Variants in SULF1 observed in about 807,000 individuals in gnomAD.
SULF1 encodes the protein sulfatase 1.
A neutral mutation model predicts 110.5 loss-of-function variants in SULF1; 46 were observed. That is an observed-to-expected ratio of 0.42 (90% CI 0.33 to 0.53). The LOEUF is 0.53. Among genes scored for constraint, SULF1 ranks in the 20% least tolerant of loss-of-function variants. The pLI, the probability that SULF1 is intolerant of heterozygous loss-of-function variation, is 0.12. For synonymous variants in SULF1, 371 were observed against 387.1 expected (o/e 0.96, Z 0.49); for missense variants, 941 against 1,094.2 (o/e 0.86, Z 1.98).
chr8:69,555,460 C>G (rs138239172), intron 3 of SULF1, among the ~76,000 whole-genome samples: 1,766 of 152,274 alleles, frequency 0.012, 30 homozygotes, highest in African/African-American at 0.04. Flanking sequence ...GAGTTCGAGA[C>G]CAGCCTGCCA....
intron 3 of SULF1, among the ~76,000 whole-genome samples, chr8:69,506,273 C>T (rs186671191): frequency 2.6e-5 from 4 of 152,132 alleles, no homozygotes; most frequent in Admixed American, 2.0e-4. Context: ...CAATACCTCC[C>T]TTCACGTAGC....
intron 1 of SULF1, among the ~76,000 whole-genome samples, chr8:69,470,591 T>C (rs1018617821): frequency 1.1e-4 from 17 of 152,134 alleles, no homozygotes; most frequent in African/African-American, 4.1e-4. Flanking sequence ...GCAATGATCA[T>C]CTCACATGTG....
At chr8:69,655,798 T>C (rs1812682044) in intron 22 of SULF1, among the ~76,000 whole-genome samples, 1 of 152,252 alleles carries the variant, frequency 6.6e-6, no homozygotes, top group East Asian at 1.9e-4. Context: ...TGAATCATAC[T>C]GAATGAGATT....
chr8:69,617,506 C>T (rs1264857824), intron 13 of SULF1, among the ~76,000 whole-genome samples: 1 of 146,048 alleles, frequency 6.8e-6, no homozygotes, highest in Middle Eastern at 3.6e-3. Flanking sequence ...TGGGCTCAAG[C>T]AATCCACCTG....
chr8:69,578,326 T>TGAC (rs10631532), intron 6 of SULF1, among the ~76,000 whole-genome samples: 2,437 of 140,450 alleles, frequency 0.017, 59 homozygotes, highest in African/African-American at 0.074. Context: ...CAGATCTGAC[T>TGAC]GTTTTTTATT....
chr8:69,654,322 T>TACTAGTCTAGTGATAATACTAG (rs1310622008), intron 22 of SULF1, among the ~76,000 whole-genome samples: 97 of 152,226 alleles, frequency 6.4e-4, no homozygotes, highest in Non-Finnish European at 1.8e-4. Flanking sequence ...CAGGCAGCAA[T>TACTAGTCTAGTGATAATACTAG]ACTAGTCTAG....
chr8:69,527,498 TC>T (rs1211246876), intron 3 of SULF1, among the ~76,000 whole-genome samples: 3 of 152,012 alleles, frequency 2.0e-5, no homozygotes, highest in African/African-American at 7.2e-5. Flanking sequence ...TTCCAGATGC[TC>T]AAAGACAGAG....
At chr8:69,614,547 T>A (rs1425067931) in intron 13 of SULF1, among the ~76,000 whole-genome samples, 2 of 152,280 alleles carry the variant, frequency 1.3e-5, no homozygotes, top group East Asian at 3.8e-4. Flanking sequence ...GACATATTTC[T>A]CATTAGATTT....
At chr8:69,547,409 T>A (rs1469642403) in intron 3 of SULF1, among the ~76,000 whole-genome samples, 1 of 152,224 alleles carries the variant, frequency 6.6e-6, no homozygotes, top group Non-Finnish European at 1.5e-5. Flanking sequence ...AGTTCAATTA[T>A]TATCAATGTA....
intron 10 of SULF1, 74 bp downstream of exon 10, chr8:69,601,903 C>T: frequency 2.1e-6 from 3 of 1,426,104 alleles, no homozygotes; most frequent in Non-Finnish European, 2.8e-6. Flanking sequence ...TTACCAGTCT[C>T]AGTATCTGGT....
chr8:69,515,081 A>G (rs1811830767), intron 3 of SULF1, among the ~76,000 whole-genome samples: 1 of 152,124 alleles, frequency 6.6e-6, no homozygotes, highest in Non-Finnish European at 1.5e-5. Context: ...CCATCTTCTC[A>G]CAGCTCCACT....
chr8:69,468,124 C>G (rs1165208623), intron 1 of SULF1, among the ~76,000 whole-genome samples: 1 of 152,212 alleles, frequency 6.6e-6, no homozygotes, highest in Admixed American at 6.5e-5. Context: ...CCTCCGATAG[C>G]AACATTCATA....
intron 21 of SULF1, among the ~76,000 whole-genome samples, chr8:69,640,305 G>T (rs2130682933): frequency 6.6e-6 from 1 of 152,272 alleles, no homozygotes; most frequent in Non-Finnish European, 1.5e-5. Flanking sequence ...GACTTTTATT[G>T]GTGGTGACAT....
chr8:69,525,466 T>C (rs1239213278), intron 3 of SULF1, among the ~76,000 whole-genome samples: 1 of 152,178 alleles, frequency 6.6e-6, no homozygotes, highest in Non-Finnish European at 1.5e-5. Flanking sequence ...TGGCTCATTT[T>C]ACAAATCAGT....
chr8:69,521,871 G>A (rs1586293682), intron 3 of SULF1, among the ~76,000 whole-genome samples: 1 of 151,696 alleles, frequency 6.6e-6, no homozygotes, highest in East Asian at 1.9e-4. Context: ...ACAGTAAGAG[G>A]CCATTGAAAA....
Position 69,586,468 on chromosome 8 carries a change from G to T in SULF1, c.524G>T (p.Arg175Leu). Residue 175 changes from arginine (R) to leucine (L), a missense_variant, in exon 7 of 23, where the codon CGC becomes CTC. Transcript: ENST00000402687. ...CGCTTCTATAATTACACTGTTTGTC[G>T]CAATGGCATCAAAGAAAAGCATGGA... is the stretch of plus-strand genomic sequence containing the variant. ...NSRFYNYTVC[R>L]NGIKEKHGFD... 1.9e-6 allele frequency: 3 copies of T among 1,610,900 alleles called. No homozygotes were observed. The highest frequency in any genetic ancestry group is 1.3e-5 in the African/African-American group (1 of 74,890).
chr8:69,510,297 T>C (rs1273155696), intron 3 of SULF1, among the ~76,000 whole-genome samples: 1 of 152,166 alleles, frequency 6.6e-6, no homozygotes, highest in Non-Finnish European at 1.5e-5. Flanking sequence ...GAGAGAAGTA[T>C]GGTTTAATGG....
Position 69,659,638 on chromosome 8 carries a change from A to G in SULF1, c.*1103A>G, listed in dbSNP as rs147649872. On this transcript the variant is annotated 3_prime_UTR_variant, in exon 23 of 23. Transcript: ENST00000402687. ...GACATAAGTATATACATGTTATCCAATCAAGATGGCTAGAATGGTGCCTTT... is the reference window on the plus strand; with the variant it reads ...GACATAAGTATATACATGTTATCCAGTCAAGATGGCTAGAATGGTGCCTTT... 427 of 163,696 alleles carry G rather than the reference A, an allele frequency of 2.6e-3. 2 individuals are homozygous for G. The highest frequency in any genetic ancestry group is 9.7e-3 in the African/African-American group (404 of 41,676). The allele number at this position is 163,696 out of a possible 1,614,324, so 10.1% of individuals were successfully genotyped here.
chr8:69,540,193 G>A (rs1001101289), intron 3 of SULF1, among the ~76,000 whole-genome samples: 3 of 152,164 alleles, frequency 2.0e-5, no homozygotes, highest in African/African-American at 7.2e-5. Context: ...ATGGCCACCA[G>A]ATTCATCTCT....
Sources: allele counts gnomAD v4.1 joint callset (sites outside exome capture counted in the v4.1 genomes callset), GRCh38; gene constraint gnomAD v4.1.1; transcripts MANE v1.5; gene names NCBI Gene and HGNC (gene_info 2026-07-23, HGNC 2026-07-21).